CLIP3: variants seen among roughly 807,000 people sequenced by gnomAD.
The protein encoded by CLIP3 is CAP-Gly domain-containing linker protein 3.
In CLIP3, 15 loss-of-function variants were observed where a neutral mutation model predicts 59.4. The ratio of observed to expected loss-of-function variants is 0.25; its 90% CI spans 0.17 to 0.39. CLIP3 has a LOEUF of 0.39. Among genes scored for constraint, CLIP3 ranks in the 10% least tolerant of loss-of-function variants. The pLI is 1.00. For missense variants in CLIP3, 495 were observed against 765.7 expected (o/e 0.65, Z 4.17); for synonymous variants, 300 against 321.6 (o/e 0.93, Z 0.72).
At chr19:36,031,008 C>CTTTTT (rs374690845) in intron 2 of CLIP3, among the ~76,000 whole-genome samples, 467 of 77,738 alleles carry the variant, frequency 6.0e-3, no homozygotes, top group East Asian at 0.011. Context: ...TTTTTCTTTT[C>CTTTTT]TTTTTTTTTT....
At position 36,019,320 on chromosome 19, in the gene CLIP3, G is replaced by T; in HGVS notation, c.919-14C>A. 6.2e-7 allele frequency: 1 copy of T among 1,604,312 alleles called. No homozygotes were observed. Among genetic ancestry groups the T allele is most frequent in the Non-Finnish European group, 8.5e-7 (1 of 1,177,606 alleles). ...CAGTGTGCCCGTCTGGGGAGAGAAG[G>T]GAGGCGATGGCTAAGGAAGGAATGC... On this transcript the variant is annotated splice_polypyrimidine_tract_variant and intron_variant, in intron 7 of 13. Transcript: ENST00000360535.
chr19:36,015,858 C>T lies in CLIP3; in HGVS notation c.*300G>A. On this transcript the variant is annotated 3_prime_UTR_variant, in exon 14 of 14. Transcript: ENST00000360535. Reference sequence around the variant, plus strand: ...TAATGCATTATGTGGAGAGGGTCACCATCATTTGGGGTGATATGGAAATCT... The same window carrying T: ...TAATGCATTATGTGGAGAGGGTCACTATCATTTGGGGTGATATGGAAATCT... 1 of 480,604 alleles carries T rather than the reference C, an allele frequency of 2.1e-6. No homozygotes were observed. Among genetic ancestry groups the T allele is most frequent in the South Asian group, 2.5e-5 (1 of 40,388 alleles). 29.8% of individuals were successfully genotyped at this position (480,604 alleles called of 1,614,324 possible).
chr19:36,016,919 T>G lies in CLIP3; in HGVS notation c.1577A>C (p.Asn526Thr), dbSNP rs1968812956. The change falls in exon 13 of 14, where the codon AAC becomes ACC. Residue 526 changes from asparagine to threonine, a missense_variant. Around this residue, in one of 5 missense-constraint regions of CLIP3, gnomAD observed 6 missense variants for 27.0 expected, o/e 0.22. Coordinates refer to ENST00000360535, the MANE Select transcript of CLIP3 (RefSeq NM_015526.3). This position sits in a 1 kb window ranked among gnomAD's most constrained non-coding sequence, Gnocchi z 4.1. Reference protein sequence around the residue: ...VRTPKDIASENSISRLLFCCW... With the variant: ...VRTPKDIASETSISRLLFCCW... ...GTTGGCCACACACCTGGAAATGGAGTTCTCTGATGCAATGTCCTTTGGGGT... is the reference window on the plus strand; with the variant it reads ...GTTGGCCACACACCTGGAAATGGAGGTCTCTGATGCAATGTCCTTTGGGGT... The G allele has an allele frequency of 6.2e-7, 1 of 1,613,564 alleles. No homozygotes were observed.
chr19:36,017,247 A>T, intron 12 of CLIP3, 139 bp downstream of exon 12: 1 of 899,488 alleles, frequency 1.1e-6, no homozygotes, highest in Non-Finnish European at 1.8e-6. Context: ...CTTTTTGTGG[A>T]CCTTGTCTCA....
At chr19:36,022,646 G>A (rs1005826655) in intron 7 of CLIP3, among the ~76,000 whole-genome samples, 1 of 152,224 alleles carries the variant, frequency 6.6e-6, no homozygotes, top group Non-Finnish European at 1.5e-5. Context: ...ATGGGGCCGG[G>A]CGCAGTGGCT....
intron 7 of CLIP3, among the ~76,000 whole-genome samples, chr19:36,022,070 C>T (rs1196615506): frequency 6.6e-6 from 1 of 151,632 alleles, no homozygotes; most frequent in Non-Finnish European, 1.5e-5. Context: ...TTTGTAGAGA[C>T]GAGGTTTCAC....
chr19:36,028,711 C>T (rs1234622266), intron 2 of CLIP3, among the ~76,000 whole-genome samples: 1 of 152,166 alleles, frequency 6.6e-6, no homozygotes, highest in Non-Finnish European at 1.5e-5. Context: ...CAAAGTCTTC[C>T]CCACGGCCCT....
At position 36,026,071 on chromosome 19, in the gene CLIP3, C is replaced by G. The variant is rs971696025; in HGVS notation, c.681+76G>C. 8.9e-7 allele frequency: 1 copy of G among 1,124,864 alleles called. No homozygotes were observed. The highest frequency in any genetic ancestry group is 2.4e-5 in the East Asian group (1 of 41,970). 69.7% of individuals were successfully genotyped at this position (1,124,864 alleles called of 1,614,324 possible). A position where few individuals can be genotyped will look rare whatever the true frequency, so the allele number is the denominator to read the frequency against. ...GTAGTATTTGGGGAGTCACGGGAAACGCAGAGACCTGCTGGAGGGAAGTGG... is the reference window on the plus strand; with the variant it reads ...GTAGTATTTGGGGAGTCACGGGAAAGGCAGAGACCTGCTGGAGGGAAGTGG... On this transcript the variant is annotated intron_variant, in intron 6 of 13. Transcript: ENST00000360535. This position sits in a 1 kb window ranked among gnomAD's most constrained non-coding sequence, Gnocchi z 6.3.
rs977041977 is a variant in CLIP3, at chr19:36,032,468, C to A, written c.-58-53G>T. ...TGCCCGGCAGGCTCCAGGGTCCAAG[C>A]CCCTAGGAGCTTCCAGGGCCCCGGG... On this transcript the variant is annotated intron_variant, in intron 1 of 13. Transcript: ENST00000360535. The surrounding 1 kb of genome is among the most constrained non-coding windows in gnomAD (Gnocchi z 4.3). 4.3e-6 allele frequency: 2 copies of A among 466,798 alleles called. No individual in the cohort carries two copies. Among genetic ancestry groups the A allele is most frequent in the Admixed American group, 4.4e-5 (1 of 22,804 alleles). The allele number at this position is 466,798 out of a possible 1,614,324, so 28.9% of individuals were successfully genotyped here.
intron 11 of CLIP3, 27 bp from the exon 12 acceptor site, chr19:36,017,477 G>C (rs1038280932): frequency 4.3e-6 from 7 of 1,613,648 alleles, no homozygotes; most frequent in Non-Finnish European, 4.2e-6. Flanking sequence ...AGGGGGAGAA[G>C]TCAGAGCCAC....
Position 36,016,867 on chromosome 19 carries a change from G to A in CLIP3, c.1589+40C>T, listed in dbSNP as rs567195315. ...AACTGCCTTATGGATCCCTCTCCCT[G>A]AATGTCACATAGGAGAGGGGACAGG... On this transcript the variant is annotated intron_variant, in intron 13 of 13. Coordinates refer to ENST00000360535, the MANE Select transcript of CLIP3 (RefSeq NM_015526.3). The surrounding 1 kb of genome is among the most constrained non-coding windows in gnomAD (Gnocchi z 4.1). The A allele has an allele frequency of 2.5e-6, 4 of 1,593,878 alleles. No individual in the cohort carries two copies. The highest frequency in any genetic ancestry group is 4.5e-5 in the East Asian group (2 of 44,624).
rs1969126326 is a variant in CLIP3, at chr19:36,026,818, G to A, written c.401-71C>T. ...GGGCCCAGTGCACGGGGAGGACCCT[G>A]GGCTTCAGGGACTATACTTTGGGAT... On this transcript the variant is annotated intron_variant, in intron 4 of 13. Transcript: ENST00000360535. The surrounding 1 kb of genome is among the most constrained non-coding windows in gnomAD (Gnocchi z 6.3). 2 of 1,557,922 alleles carry A rather than the reference G, an allele frequency of 1.3e-6. No homozygotes were observed. Among genetic ancestry groups the A allele is most frequent in the Non-Finnish European group, 1.7e-6 (2 of 1,155,932 alleles).
Position 36,032,270 on chromosome 19 carries a change from C to T in CLIP3, c.88G>A (p.Ala30Thr). Residue 30 changes from alanine to threonine, a missense_variant, in exon 2 of 14, where the codon GCC becomes ACC. Physicochemically the swap from Ala to Thr is moderately conservative, Grantham distance 58. Coordinates refer to ENST00000360535, the MANE Select transcript of CLIP3 (RefSeq NM_015526.3). The surrounding 1 kb of genome is among the most constrained non-coding windows in gnomAD (Gnocchi z 4.3). The stretch of plus-strand genomic sequence containing the variant: ...CGGCGCTCCTGGGTGGGGCTGGGGG[C>T]CTCGGGGACGGGTTCATCCTCCTCC... ...EEEEDEPVPE[A>T]PSPTQERRQK... is the part of the protein sequence containing the mutation. The T allele has an allele frequency of 7.7e-7, 1 of 1,298,468 alleles. No individual in the cohort carries two copies. Among genetic ancestry groups the T allele is most frequent in the Non-Finnish European group, 9.9e-7 (1 of 1,013,724 alleles). 80.4% of individuals were successfully genotyped at this position (1,298,468 alleles called of 1,614,324 possible). A position where few individuals can be genotyped will look rare whatever the true frequency, so the allele number is the denominator to read the frequency against.
At chr19:36,025,411 T>C (rs2145403699) in intron 6 of CLIP3, among the ~76,000 whole-genome samples, 1 of 151,648 alleles carries the variant, frequency 6.6e-6, no homozygotes, top group Non-Finnish European at 1.5e-5. Context: ...GCCAACATGG[T>C]GAAACTCCAT....
At chr19:36,027,375 G>T in intron 2 of CLIP3, 104 bp from the exon 3 acceptor site, 2 of 1,294,648 alleles carry the variant, frequency 1.5e-6, no homozygotes. Flanking sequence ...TCTAATGCAG[G>T]GTCTCAAGCT....
chr19:36,015,341 T>C lies in CLIP3; in HGVS notation c.*817A>G, dbSNP rs1968766141. The C allele has an allele frequency of 6.6e-6, 1 of 152,450 alleles. No individual in the cohort carries two copies. Among genetic ancestry groups the C allele is most frequent in the South Asian group, 2.1e-4 (1 of 4,826 alleles). The allele number at this position is 152,450 out of a possible 1,614,324, so 9.4% of individuals were successfully genotyped here. ...AGAGTCCTAGAATGGGGCCTCCAAA[T>C]TTTGGGGTCCCCCAAAGGGGGAAGT... On this transcript the variant is annotated 3_prime_UTR_variant, in exon 14 of 14. Transcript: ENST00000360535.
intron 7 of CLIP3, among the ~76,000 whole-genome samples, chr19:36,020,272 T>C (rs1294095346): frequency 6.9e-6 from 1 of 145,932 alleles, no homozygotes; most frequent in African/African-American, 2.5e-5. Flanking sequence ...AATACATACC[T>C]TAGAAAGAAG....
In CLIP3 at chr19:36,017,997, G is replaced by A. The variant is rs1304043375; in HGVS notation, c.1184-6C>T. 1.2e-6 allele frequency: 2 copies of A among 1,613,592 alleles called. No individual in the cohort carries two copies. ...TGATGGGGTCTTCTTCTTGCCTAAG[G>A]GTAGAAGGTGTAGGAGGTGGGTAGT... On this transcript the variant is annotated splice_region_variant and splice_polypyrimidine_tract_variant and intron_variant, in intron 9 of 13. Transcript: ENST00000360535.
chr19:36,017,098 C>T (rs1968817847), intron 12 of CLIP3, 119 bp from the exon 13 acceptor site: 2 of 1,061,518 alleles, frequency 1.9e-6, no homozygotes, highest in Non-Finnish European at 2.8e-6. Flanking sequence ...CTGGATCCTA[C>T]ATTCCCAATA....
Sources: gnomAD v4.1 joint callset for allele counts (sites outside exome capture counted in the v4.1 genomes callset) on GRCh38, gnomAD v4.1.1 for gene constraint, gnomAD v4.1.1 regional missense constraint, Gnocchi (gnomAD v3.1) non-coding constraint, MANE v1.5 for transcripts, NCBI Gene and HGNC (gene_info 2026-07-23, HGNC 2026-07-21) for gene names.